Variants in DPP4 observed in about 807,000 individuals in gnomAD.
DPP4 encodes the protein ADCP-2.
A neutral mutation model predicts 122.4 loss-of-function variants in DPP4; 93 were observed. The observed-to-expected ratio is 0.76, with a 90% confidence interval of 0.64 to 0.90. DPP4 has a LOEUF of 0.90. DPP4 is among the 40% of genes least tolerant of loss of function. The pLI is 0.00. For missense variants in DPP4, 914 were observed against 907.3 expected (o/e 1.01, Z -0.09); for synonymous variants, 321 against 302.9 (o/e 1.06, Z -0.62).
At chr2:162,073,900 C>T (rs1685214562) in intron 1 of DPP4, 76 bp downstream of exon 1, 1 of 1,588,664 alleles carries the variant, frequency 6.3e-7, no homozygotes, top group Admixed American at 1.7e-5. Flanking sequence ...GTTTCGCCAG[C>T]TTTTGGGCCA....
chr2:162,054,574 A>G (rs1250638029), intron 2 of DPP4, among the ~76,000 whole-genome samples: 1 of 152,200 alleles, frequency 6.6e-6, no homozygotes, highest in Non-Finnish European at 1.5e-5. Context: ...TGATTAAGTC[A>G]TGAGGGCTCC....
intron 2 of DPP4, among the ~76,000 whole-genome samples, chr2:162,053,482 G>A (rs1684456352): frequency 6.6e-6 from 1 of 152,168 alleles, no homozygotes; most frequent in Non-Finnish European, 1.5e-5. Flanking sequence ...ACAAATTTGT[G>A]TTGGGCTGCA....
chr2:162,073,716 C>T lies in DPP4; in HGVS notation c.7-230G>A. 3 of 669,080 alleles carry T rather than the reference C, an allele frequency of 4.5e-6. No homozygotes were observed. In the South Asian group the frequency reaches 5.9e-5, roughly 13 times the overall value. 41.4% of individuals were successfully genotyped at this position (669,080 alleles called of 1,614,324 possible). ...GAGCACATTAGCGTTGGTTTCTCTA[C>T]CCCTGCCCGGGTTCGGGCGTGCGTT... is the stretch of plus-strand genomic sequence containing the variant. On this transcript the variant is annotated intron_variant, in intron 1 of 25. Coordinates refer to ENST00000360534, the MANE Select transcript of DPP4 (RefSeq NM_001935.4).
chr2:162,062,011 A>G (rs2892816), intron 2 of DPP4, among the ~76,000 whole-genome samples: 37,873 of 152,022 alleles, frequency 0.25, 5,858 homozygotes, highest in Non-Finnish European at 0.36. Flanking sequence ...GCTTACACCT[A>G]TAATCCCAGC....
chr2:162,064,691 C>G (rs1175813030), intron 2 of DPP4, among the ~76,000 whole-genome samples: 1 of 152,190 alleles, frequency 6.6e-6, no homozygotes, highest in African/African-American at 2.4e-5. Flanking sequence ...TTCTTACCTG[C>G]TCTATTATCT....
intron 5 of DPP4, among the ~76,000 whole-genome samples, chr2:162,041,202 A>G (rs879726601): frequency 2.0e-5 from 3 of 152,118 alleles, no homozygotes; most frequent in Non-Finnish European, 4.4e-5. Context: ...GCATTTATGA[A>G]ATATTATGTC....
intron 8 of DPP4, among the ~76,000 whole-genome samples, chr2:162,037,942 C>T (rs1683837790): frequency 6.6e-6 from 1 of 152,098 alleles, no homozygotes; most frequent in African/African-American, 2.4e-5. Context: ...GATTATTTAG[C>T]TTTCCTTAGT....
At chr2:162,069,199 C>T (rs1372899178) in intron 2 of DPP4, among the ~76,000 whole-genome samples, 1 of 152,198 alleles carries the variant, frequency 6.6e-6, no homozygotes, top group Non-Finnish European at 1.5e-5. Context: ...AATAGTACCT[C>T]TCTTTCAAAG....
Position 162,020,240 on chromosome 2 carries a change from G to T in DPP4, c.1233C>A (p.Thr411=). ...GTTACAATACTCACAGATAATCACT[G>T]GTTAGAGCTTCTATCCCGATGACTT... ...TWEVIGIEAL[T]SDYLYYISNE... The change falls in exon 14 of 26, where the codon ACC becomes ACA. Residue 411 remains threonine, a synonymous_variant. Transcript: ENST00000360534. 1 of 1,610,482 alleles carries T rather than the reference G, an allele frequency of 6.2e-7. No homozygotes were observed.
At chr2:162,022,653 C>T (rs1388379651) in intron 12 of DPP4, 102 bp downstream of exon 12, 2 of 1,058,974 alleles carry the variant, frequency 1.9e-6, no homozygotes, top group African/African-American at 1.6e-5. Context: ...ACTAATATTG[C>T]TATTAATAAC....
intron 2 of DPP4, among the ~76,000 whole-genome samples, chr2:162,059,667 A>C (rs1684694713): frequency 6.6e-6 from 1 of 152,222 alleles, no homozygotes; most frequent in Admixed American, 6.5e-5. Flanking sequence ...GAAGATTTAT[A>C]AGTGTAATCA....
chr2:162,021,144 T>C (rs979686435), intron 12 of DPP4, among the ~76,000 whole-genome samples: 1 of 152,212 alleles, frequency 6.6e-6, no homozygotes, highest in Non-Finnish European at 1.5e-5. Context: ...GATATTTTTC[T>C]TTCCTGTTTT....
intron 2 of DPP4, among the ~76,000 whole-genome samples, chr2:162,053,220 A>C (rs1195646693): frequency 1.3e-5 from 2 of 152,212 alleles, no homozygotes; most frequent in South Asian, 2.1e-4. Context: ...ATTAGTATGG[A>C]GAATAGGAAG....
Position 162,005,814 on chromosome 2 carries a change from G to GA in DPP4, c.1988-6dup. ...AACGTTCTGTGTACACTGAGTCTGT[G>GA]AAAGAAAAAAAAATAAAAAAAAGTT... is the stretch of plus-strand genomic sequence containing the variant. On this transcript the variant is annotated splice_region_variant and splice_polypyrimidine_tract_variant and intron_variant, in intron 22 of 25. Coordinates refer to ENST00000360534, the MANE Select transcript of DPP4 (RefSeq NM_001935.4). 1 of 1,607,884 alleles carries GA rather than the reference G, an allele frequency of 6.2e-7. No homozygotes were observed. Among genetic ancestry groups the GA allele is most frequent in the South Asian group, 1.1e-5 (1 of 90,126 alleles).
At chr2:162,022,688 A>T in intron 12 of DPP4, 67 bp downstream of exon 12, 1 of 1,497,682 alleles carries the variant, frequency 6.7e-7, no homozygotes, top group Non-Finnish European at 9.3e-7. Context: ...CCTAGTTTTA[A>T]ATAGCTGCAT....
Position 162,009,244 on chromosome 2 carries a change from G to C in DPP4, c.1884C>G (p.Gly628=). ...GATTCATCAGTCAACTACTCACCCA[G>C]CCCCAAATTGCAATTCGTTTGTTGT... ...FVDNKRIAIW[G]WSYGGYVTSM... The change falls in exon 21 of 26, where the codon GGC becomes GGG. Residue 628 remains glycine, a synonymous_variant. Transcript: ENST00000360534. 6.2e-7 allele frequency: 1 copy of C among 1,613,644 alleles called. No homozygotes were observed. Among genetic ancestry groups the C allele is most frequent in the Non-Finnish European group, 8.5e-7 (1 of 1,179,712 alleles).
intron 9 of DPP4, 134 bp downstream of exon 9, chr2:162,035,030 T>C: frequency 2.5e-6 from 2 of 794,504 alleles, no homozygotes; most frequent in Non-Finnish European, 3.7e-6. Flanking sequence ...CCAGATGCTG[T>C]TGACTTCAGC....
In DPP4 at chr2:161,993,221, T is replaced by C; in HGVS notation, c.*62A>G. On this transcript the variant is annotated 3_prime_UTR_variant, in exon 26 of 26. Transcript: ENST00000360534. The stretch of plus-strand genomic sequence containing the variant: ...TCATCATCATCTTGACAGTGCAGTT[T>C]TGAGATAATGAAAACAAAAATGAGT... 7.8e-7 allele frequency: 1 copy of C among 1,279,820 alleles called. No individual in the cohort carries two copies. Among genetic ancestry groups the C allele is most frequent in the Non-Finnish European group, 1.1e-6 (1 of 878,354 alleles). The allele number at this position is 1,279,820 out of a possible 1,614,324, so 79.3% of individuals were successfully genotyped here.
chr2:162,020,558 A>G (rs1683088960), intron 13 of DPP4, 23 bp downstream of exon 13: 1 of 1,558,876 alleles, frequency 6.4e-7, no homozygotes, highest in African/African-American at 1.4e-5. Context: ...TCAACATGAA[A>G]TAAAATATGT....
Sources: gnomAD v4.1 joint callset for allele counts (sites outside exome capture counted in the v4.1 genomes callset) on GRCh38, gnomAD v4.1.1 for gene constraint, MANE v1.5 for transcripts, NCBI Gene and HGNC (gene_info 2026-07-23, HGNC 2026-07-21) for gene names.